ZNF407: variants seen among roughly 807,000 people sequenced by gnomAD.
ZNF407 encodes zinc finger protein 407.
Under a neutral mutation model 131.2 loss-of-function variants are expected in ZNF407, and 17 were observed. That is an observed-to-expected ratio of 0.13 (90% CI 0.09 to 0.19). ZNF407 has a LOEUF of 0.19. Among genes scored for constraint, ZNF407 ranks in the 10% least tolerant of loss-of-function variants. The probability of loss-of-function intolerance (pLI) is 1.00; values close to 1 mark genes in which losing one functional copy is unlikely to be tolerated. For synonymous variants in ZNF407, 1,156 were observed against 1,062.0 expected (o/e 1.09, Z -1.72); for missense variants, 2,681 against 2,830.6 (o/e 0.95, Z 1.20).
rs373577796 is a variant in ZNF407, at chr18:75,042,929, T to C, written c.5429-20221T>C. Among the ~76,000 whole-genome samples the C allele has an allele frequency of 1.9e-4, 29 of 152,332 alleles. 1 individual carries two copies. The South Asian group carries it at 6.0e-3, about 32-fold the overall frequency. ...GTTCCGTCGCATGCGTGTACCAGTA[T>C]GTTTGCCTGTCTCCTGGTGATGGAC... is the stretch of plus-strand genomic sequence containing the variant. On this transcript the variant is annotated intron_variant, in intron 8 of 8. Coordinates refer to ENST00000299687, the MANE Select transcript of ZNF407 (RefSeq NM_017757.3).
chr18:74,643,132 TA>T (rs1394119448), intron 3 of ZNF407, among the ~76,000 whole-genome samples: 1 of 152,050 alleles, frequency 6.6e-6, no homozygotes, highest in Non-Finnish European at 1.5e-5. Flanking sequence ...GGTTAAAAAT[TA>T]AAGTAAAAAA....
rs78056958 is a variant in ZNF407, at chr18:75,007,295, C to T, written c.5429-55855C>T. Among the ~76,000 whole-genome samples, 791 of 151,854 alleles carry T rather than the reference C, an allele frequency of 5.2e-3. 13 individuals are homozygous for T. Among genetic ancestry groups the T allele is most frequent in the African/African-American group, 0.018 (747 of 41,378 alleles). The stretch of plus-strand genomic sequence containing the variant: ...GAGACTAAGGTTTTTTACCTCATTC[C>T]ATCTTTTTTCTTCTGCACATTCTTT... On this transcript the variant is annotated intron_variant, in intron 8 of 8. Transcript: ENST00000299687.
intron 3 of ZNF407, among the ~76,000 whole-genome samples, chr18:74,669,289 C>T (rs182864214): frequency 6.6e-6 from 1 of 152,330 alleles, no homozygotes; most frequent in East Asian, 1.9e-4. Flanking sequence ...TGACCAGGGG[C>T]CTTCCCATGG....
In ZNF407 at chr18:74,877,346, A is replaced by G. The variant is rs965503725; in HGVS notation, c.5027A>G (p.His1676Arg). 4 of 1,613,336 alleles carry G rather than the reference A, an allele frequency of 2.5e-6. No homozygotes were observed. Among genetic ancestry groups the G allele is most frequent in the Non-Finnish European group, 2.5e-6 (3 of 1,179,880 alleles). Residue 1676 changes from histidine (H) to arginine (R), a missense_variant, in exon 5 of 9, where the codon CAC becomes CGC. Around this residue, in one of 6 missense-constraint regions of ZNF407, gnomAD observed 213 missense variants for 332.2 expected, o/e 0.64. Coordinates refer to ENST00000299687, the MANE Select transcript of ZNF407 (RefSeq NM_017757.3). Reference sequence around the variant, plus strand: ...CTCACAGCCTCCGCAATGAAAGACCACTACAGGACGCACACAGGTGTGCCG... The same window carrying G: ...CTCACAGCCTCCGCAATGAAAGACCGCTACAGGACGCACACAGGTGTGCCG... Reference protein sequence around the residue: ...SFLTASAMKDHYRTHTGEKSF... With the variant: ...SFLTASAMKDRYRTHTGEKSF...
intron 3 of ZNF407, among the ~76,000 whole-genome samples, chr18:74,758,714 C>A (rs1379747584): frequency 6.6e-6 from 1 of 152,094 alleles, no homozygotes; most frequent in African/African-American, 2.4e-5. Context: ...CCTCAGCCTT[C>A]CTGGTAGCTC....
chr18:74,890,385 T>A (rs1192874139), intron 7 of ZNF407, among the ~76,000 whole-genome samples: 2 of 152,194 alleles, frequency 1.3e-5, no homozygotes, highest in African/African-American at 4.8e-5. Context: ...TCATTTAGGA[T>A]TCGCTGTGGA....
intron 4 of ZNF407, among the ~76,000 whole-genome samples, chr18:74,806,241 G>A (rs942438188): frequency 1.3e-5 from 2 of 152,170 alleles, no homozygotes; most frequent in East Asian, 1.9e-4. Flanking sequence ...GATTACTTAG[G>A]TTTTCCTTAG....
chr18:74,984,154 C>T (rs184628241), intron 8 of ZNF407, among the ~76,000 whole-genome samples: 4 of 152,302 alleles, frequency 2.6e-5, no homozygotes, highest in Admixed American at 1.3e-4. Flanking sequence ...ACAGAACTAG[C>T]TCTCGGACTA....
intron 7 of ZNF407, among the ~76,000 whole-genome samples, chr18:74,906,784 A>G (rs936883106): frequency 2.1e-5 from 3 of 146,324 alleles, no homozygotes; most frequent in African/African-American, 7.3e-5. Flanking sequence ...TATATATTTT[A>G]TATGTGTATA....
chr18:75,047,311 C>T (rs1301271327), intron 8 of ZNF407, among the ~76,000 whole-genome samples: 1 of 152,188 alleles, frequency 6.6e-6, no homozygotes, highest in African/African-American at 2.4e-5. Flanking sequence ...GCATAGAAAA[C>T]AGAAGGTACT....
intron 8 of ZNF407, among the ~76,000 whole-genome samples, chr18:75,013,918 TC>T (rs1414059099): frequency 6.6e-6 from 1 of 152,136 alleles, no homozygotes; most frequent in Non-Finnish European, 1.5e-5. Context: ...CAGTACTGTT[TC>T]TGTTTCGCTT....
At chr18:74,961,914 G>T (rs567702633) in intron 8 of ZNF407, among the ~76,000 whole-genome samples, 236 of 151,322 alleles carry the variant, frequency 1.6e-3, no homozygotes, top group Non-Finnish European at 2.6e-3. Flanking sequence ...CTCTCCTTCT[G>T]TGACGTTTTG....
chr18:74,620,708 A>G (rs1361801219), intron 1 of ZNF407, among the ~76,000 whole-genome samples: 3 of 152,192 alleles, frequency 2.0e-5, no homozygotes, highest in African/African-American at 7.2e-5. Flanking sequence ...TGTGGCATGC[A>G]GGAAACTTTG....
chr18:74,846,343 G>A (rs897397657), intron 4 of ZNF407, among the ~76,000 whole-genome samples: 5 of 150,616 alleles, frequency 3.3e-5, no homozygotes, highest in Admixed American at 6.6e-5. Context: ...ATGTTAAAAC[G>A]TCTTTTTTTT....
At chr18:74,971,346 A>G (rs1047966038) in intron 8 of ZNF407, among the ~76,000 whole-genome samples, 4 of 152,184 alleles carry the variant, frequency 2.6e-5, no homozygotes, top group Admixed American at 2.0e-4. Flanking sequence ...CTTTTCTATC[A>G]TGTAGTCAGG....
intron 4 of ZNF407, among the ~76,000 whole-genome samples, chr18:74,783,900 C>G (rs548571412): frequency 6.6e-6 from 1 of 152,338 alleles, no homozygotes; most frequent in East Asian, 1.9e-4. Context: ...ATATGGCACT[C>G]TCTCCTGTTA....
intron 4 of ZNF407, among the ~76,000 whole-genome samples, chr18:74,820,212 G>A (rs143544039): frequency 6.6e-6 from 1 of 152,326 alleles, no homozygotes; most frequent in African/African-American, 2.4e-5. Flanking sequence ...TGGGAGGTTT[G>A]CGTGTGCACA....
intron 4 of ZNF407, among the ~76,000 whole-genome samples, chr18:74,807,369 A>T (rs1970125804): frequency 6.6e-6 from 1 of 152,092 alleles, no homozygotes; most frequent in South Asian, 2.1e-4. Context: ...AGACATGAGC[A>T]GGGTCCCGAG....
At chr18:74,780,037 A>G (rs1043467347) in intron 3 of ZNF407, among the ~76,000 whole-genome samples, 1 of 151,620 alleles carries the variant, frequency 6.6e-6, no homozygotes, top group African/African-American at 2.4e-5. Context: ...TTTTTTGCTC[A>G]GCATTTAATA....
Sources: gnomAD v4.1 joint callset for allele counts (sites outside exome capture counted in the v4.1 genomes callset) on GRCh38, gnomAD v4.1.1 for gene constraint, gnomAD v4.1.1 regional missense constraint, MANE v1.5 for transcripts, NCBI Gene and HGNC (gene_info 2026-07-23, HGNC 2026-07-21) for gene names.